Variants in HINFP observed in about 807,000 individuals in gnomAD.
HINFP encodes the protein MBD2 (methyl-CpG-binding protein)-interacting zinc finger protein.
In HINFP, 20 loss-of-function variants were observed where a neutral mutation model predicts 50.1. The ratio of observed to expected loss-of-function variants is 0.40; its 90% confidence interval spans 0.28 to 0.58. The LOEUF is 0.58. Among genes scored for constraint, HINFP ranks in the 20% least tolerant of loss-of-function variants. The probability of loss-of-function intolerance (pLI) is 0.45; values close to 1 mark genes in which losing one functional copy is unlikely to be tolerated. For missense variants in HINFP, 505 were observed against 664.1 expected (o/e 0.76, Z 2.63); for synonymous variants, 247 against 243.7 (o/e 1.01, Z -0.13).
intron 9 of HINFP, 174 bp downstream of exon 9, chr11:119,133,393 AC>A (rs1201404152): frequency 1.5e-6 from 1 of 671,558 alleles, no homozygotes; most frequent in Non-Finnish European, 2.5e-6. Context: ...AGCCTGGCCA[AC>A]ATGGTGAAAC....
At chr11:119,132,239 G>T (rs2135076619) in intron 5 of HINFP, 4 of 616,286 alleles carry the variant, frequency 6.5e-6, no homozygotes, top group Middle Eastern at 4.4e-4. Context: ...CCCCCTTTTT[G>T]CAGATGAGGA....
In HINFP at chr11:119,134,696, G is replaced by A; in HGVS notation, c.*198G>A. 1.9e-6 allele frequency: 1 copy of A among 522,886 alleles called. No individual in the cohort carries two copies. Among genetic ancestry groups the A allele is most frequent in the Non-Finnish European group, 3.4e-6 (1 of 295,332 alleles). 32.4% of individuals were successfully genotyped at this position (522,886 alleles called of 1,614,324 possible). On this transcript the variant is annotated 3_prime_UTR_variant, in exon 10 of 10. Transcript: ENST00000350777. The surrounding 1 kb of genome is among the most constrained non-coding windows in gnomAD (Gnocchi z 4.3). ...TTTTCTGCCAGACTACATTTTGTGG[G>A]GAGCCTGAGGACTCTGGATTCTTTG...
chr11:119,129,494 T>TC (rs1947633077), intron 2 of HINFP, among the ~76,000 whole-genome samples: 1 of 148,824 alleles, frequency 6.7e-6, no homozygotes, highest in African/African-American at 2.5e-5. Flanking sequence ...TCTTTTCTTT[T>TC]TTTTTTTTTT....
intron 2 of HINFP, chr11:119,127,380 T>A (rs1211068575): frequency 3.1e-6 from 1 of 320,708 alleles, no homozygotes; most frequent in Non-Finnish European, 5.7e-6. Context: ...TTGACATCTC[T>A]CTGCCTGTGT....
chr11:119,130,539 C>G (rs1947693575), intron 2 of HINFP, 186 bp from the exon 3 acceptor site: 1 of 591,038 alleles, frequency 1.7e-6, no homozygotes, highest in Non-Finnish European at 3.0e-6. Context: ...TTGTTATAGT[C>G]CCTCTAACTG....
At position 119,136,045 on chromosome 11, in the gene HINFP, G is replaced by GAAAGA. The variant is rs888934980; in HGVS notation, c.*1556_*1560dup. The GAAAGA allele has an allele frequency of 6.6e-6, 1 of 151,200 alleles. No individual in the cohort carries two copies. Among genetic ancestry groups the GAAAGA allele is most frequent in the Non-Finnish European group, 1.5e-5 (1 of 67,792 alleles). The allele number at this position is 151,200 out of a possible 1,614,324, so 9.4% of individuals were successfully genotyped here. On this transcript the variant is annotated 3_prime_UTR_variant, in exon 10 of 10. Coordinates refer to ENST00000350777, the MANE Select transcript of HINFP (RefSeq NM_198971.3). ...CGTCTCAAATAAATAAATAAATAAA[G>GAAAGA]AAAGAAAAGAAAAACTGTGTGTGTC...
At position 119,130,765 on chromosome 11, in the gene HINFP, T is replaced by C; in HGVS notation, c.222T>C (p.Cys74=). The C allele has an allele frequency of 6.2e-7, 1 of 1,614,238 alleles. No homozygotes were observed. Among genetic ancestry groups the C allele is most frequent in the South Asian group, 1.1e-5 (1 of 91,084 alleles). ...FSCLWQECGF[C]SLDSSADLIR... ...GCTTGTGGCAGGAATGTGGCTTTTG[T>C]TCTCTGGACAGTTCTGCTGACCTCA... The change falls in exon 3 of 10, where the codon TGT becomes TGC. Residue 74 remains cysteine (C), a synonymous_variant. Transcript: ENST00000350777.
intron 1 of HINFP, among the ~76,000 whole-genome samples, chr11:119,122,744 G>C (rs1439069007): frequency 6.6e-6 from 1 of 152,196 alleles, no homozygotes; most frequent in Non-Finnish European, 1.5e-5. Flanking sequence ...CCGTGGGCAA[G>C]AGATGGGATA....
Position 119,126,990 on chromosome 11 carries a change from C to T in HINFP, c.46C>T (p.Gln16Ter). ...TCCCCGAAAGGAGAATCTGTGGCTA[C>T]AGTGTGAGTGGGGGTCCTGCTCCTT... ...KVPRKENLWL[Q>*]CEWGSCSFVC... Residue 16 changes from glutamine (Q) to a stop codon, truncating the protein, a stop_gained, in exon 2 of 10, where the codon CAG (glutamine) becomes TAG (stop). Coordinates refer to ENST00000350777, the MANE Select transcript of HINFP (RefSeq NM_198971.3). LOFTEE classifies it high-confidence loss of function. 6.2e-7 allele frequency: 1 copy of T among 1,613,986 alleles called. No individual in the cohort carries two copies. The highest frequency in any genetic ancestry group is 8.5e-7 in the Non-Finnish European group (1 of 1,179,964).
chr11:119,126,984 T>G lies in HINFP; in HGVS notation c.40T>G (p.Trp14Gly). ...PGKVPRKENL[W>G]LQCEWGSCSF... ...GAAAGTTCCCCGAAAGGAGAATCTG[T>G]GGCTACAGTGTGAGTGGGGGTCCTG... Residue 14 changes from tryptophan to glycine, a missense_variant, in exon 2 of 10, where the codon TGG becomes GGG. By Grantham distance (184) the Trp-to-Gly change is radical. Transcript: ENST00000350777. 1 of 1,613,906 alleles carries G rather than the reference T, an allele frequency of 6.2e-7. No homozygotes were observed. Among genetic ancestry groups the G allele is most frequent in the Admixed American group, 1.7e-5 (1 of 59,960 alleles).
Position 119,135,644 on chromosome 11 carries a change from A to G in HINFP, c.*1146A>G, listed in dbSNP as rs1948017978. 6.6e-6 allele frequency: 1 copy of G among 152,204 alleles called. No homozygotes were observed. The highest frequency in any genetic ancestry group is 2.4e-5 in the African/African-American group (1 of 41,452). 9.4% of individuals were successfully genotyped at this position (152,204 alleles called of 1,614,324 possible). ...GTGTCCATTTTTATGGTCTACTGCT[A>G]TGCTGGAGAGGTCAAGGAAATAGTC... On this transcript the variant is annotated 3_prime_UTR_variant, in exon 10 of 10. Transcript: ENST00000350777.
intron 2 of HINFP, among the ~76,000 whole-genome samples, chr11:119,128,647 A>G (rs1214682441): frequency 6.6e-6 from 1 of 151,898 alleles, no homozygotes; most frequent in African/African-American, 2.4e-5. Flanking sequence ...TTAAACCTAC[A>G]TTAAAGCACT....
At position 119,133,974 on chromosome 11, in the gene HINFP, G is replaced by C. The variant is rs765540934; in HGVS notation, c.1140-110G>C. On this transcript the variant is annotated intron_variant, in intron 9 of 9. Transcript: ENST00000350777. ...TTTTGTCTTCAACTCCTGTCACTTG[G>C]ATTCCAGGACTTCTTCCATCCCTCA... 32 of 1,456,154 alleles carry C rather than the reference G, an allele frequency of 2.2e-5. No homozygotes were observed. In the South Asian group the frequency reaches 3.4e-4, roughly 15 times the overall value. 90.2% of individuals were successfully genotyped at this position (1,456,154 alleles called of 1,614,324 possible). A position where few individuals can be genotyped will look rare whatever the true frequency, so the allele number is the denominator to read the frequency against.
At chr11:119,128,281 C>T (rs1396365228) in intron 2 of HINFP, among the ~76,000 whole-genome samples, 1 of 152,004 alleles carries the variant, frequency 6.6e-6, no homozygotes, top group East Asian at 1.9e-4. Context: ...TCTATAGTAC[C>T]TACTGTGTGT....
At chr11:119,122,172 G>A (rs1262567679) in intron 1 of HINFP, among the ~76,000 whole-genome samples, 1 of 152,186 alleles carries the variant, frequency 6.6e-6, no homozygotes, top group African/African-American at 2.4e-5. Context: ...AGGGTAGAGT[G>A]AAGATCATGC....
At chr11:119,123,141 A>AAC (rs1397536347) in intron 1 of HINFP, among the ~76,000 whole-genome samples, 1 of 151,264 alleles carries the variant, frequency 6.6e-6, no homozygotes, top group African/African-American at 2.4e-5. Context: ...AAAAAAAAAA[A>AAC]AAAAAAAAAA....
chr11:119,133,793 G>T, intron 9 of HINFP: 1 of 533,984 alleles, frequency 1.9e-6, no homozygotes, highest in Admixed American at 3.2e-5. Flanking sequence ...CTGATCCTTA[G>T]CTCCAAGGCC....
Position 119,121,590 on chromosome 11 carries a change from A to G in HINFP, c.-60A>G. 1 of 152,328 alleles carries G rather than the reference A, an allele frequency of 6.6e-6. No individual in the cohort carries two copies. The highest frequency in any genetic ancestry group is 1.5e-5 in the Non-Finnish European group (1 of 68,090). The allele number at this position is 152,328 out of a possible 1,614,324, so 9.4% of individuals were successfully genotyped here. A position where few individuals can be genotyped will look rare whatever the true frequency, so the allele number is the denominator to read the frequency against. On this transcript the variant is annotated 5_prime_UTR_variant, in exon 1 of 10. Transcript: ENST00000350777. ...GACCGTCCCTCAAGCGCCTCTCCGG[A>G]GATGGTCTGAGGTGGGAGAAGAGCT...
intron 1 of HINFP, chr11:119,124,542 C>G (rs1438139459): frequency 1.3e-5 from 2 of 152,116 alleles, no homozygotes; most frequent in African/African-American, 4.8e-5. Flanking sequence ...AATTGTTACT[C>G]AAAGTATGCT....
Sources: allele counts gnomAD v4.1 joint callset (sites outside exome capture counted in the v4.1 genomes callset), GRCh38; gene constraint gnomAD v4.1.1; non-coding constraint Gnocchi (gnomAD v3.1); transcripts MANE v1.5; gene names NCBI Gene and HGNC (gene_info 2026-07-23, HGNC 2026-07-21).